MMP9: variants seen among roughly 807,000 people sequenced by gnomAD.
MMP9 encodes the protein matrix metalloproteinase-9.
In MMP9, 73 loss-of-function variants were observed where a neutral mutation model predicts 76.4. The ratio of observed to expected loss-of-function variants is 0.96; its 90% CI spans 0.79 to 1.16. The LOEUF (loss-of-function observed/expected upper bound fraction) is 1.16, where lower values mean the gene tolerates loss of function less well. Among genes scored for constraint, MMP9 ranks in the 50% most tolerant of loss-of-function variants. The pLI, the probability that MMP9 is intolerant of heterozygous loss-of-function variation, is 0.00. For missense variants in MMP9, 943 were observed against 973.0 expected (o/e 0.97, Z 0.41); for synonymous variants, 412 against 408.4 (o/e 1.01, Z -0.11).
intron 12 of MMP9, chr20:46,014,770 TA>T (rs1455113925): frequency 2.1e-6 from 1 of 484,700 alleles, no homozygotes. Flanking sequence ...CAAGTGCCGA[TA>T]ATGTGCCAGG....
At chr20:46,016,160 C>T (rs1245277299) in intron 12 of MMP9, 90 bp from the exon 13 acceptor site, 14 of 1,220,486 alleles carry the variant, frequency 1.1e-5, no homozygotes, top group Non-Finnish European at 1.7e-5. Flanking sequence ...CTAGAAATGG[C>T]AGAAGAGATG....
intron 12 of MMP9, among the ~76,000 whole-genome samples, chr20:46,015,335 C>T (rs912031661): frequency 1.3e-5 from 2 of 152,202 alleles, no homozygotes; most frequent in African/African-American, 4.8e-5. Context: ...CCACTGTCTT[C>T]CTTCAGGTTT....
chr20:46,016,325 T>G lies in MMP9; in HGVS notation c.2081T>G (p.Val694Gly). Reference sequence around the variant, plus strand: ...AGTGAGTTGAACCAGGTGGACCAAGTGGGCTACGTGACCTATGACATCCTG... The same window carrying G: ...AGTGAGTTGAACCAGGTGGACCAAGGGGGCTACGTGACCTATGACATCCTG... ...SRSELNQVDQ[V>G]GYVTYDILQC... The change falls in exon 13 of 13, where the codon GTG (valine) becomes GGG (glycine). Residue 694 changes from valine (V) to glycine (G), a missense_variant. By Grantham distance (109) the Val-to-Gly change is moderately radical. Transcript: ENST00000372330. The G allele has an allele frequency of 1.2e-6, 2 of 1,614,198 alleles. No individual in the cohort carries two copies. Among genetic ancestry groups the G allele is most frequent in the South Asian group, 1.1e-5 (1 of 91,084 alleles).
At chr20:46,015,453 C>CTTTTTT (rs199508388) in intron 12 of MMP9, among the ~76,000 whole-genome samples, 4 of 125,594 alleles carry the variant, frequency 3.2e-5, no homozygotes, top group Non-Finnish European at 4.9e-5. Flanking sequence ...TTTCTTTTTT[C>CTTTTTT]TTTTTTTTTT....
At position 46,013,318 on chromosome 20, in the gene MMP9, C is replaced by T. The variant is rs774999010; in HGVS notation, c.1394C>T (p.Pro465Leu). 6 of 1,613,974 alleles carry T rather than the reference C, an allele frequency of 3.7e-6. No individual in the cohort carries two copies. In the South Asian group the frequency reaches 5.5e-5, roughly 15 times the overall value. The change falls in exon 9 of 13, where the codon CCG (proline) becomes CTG (leucine). Residue 465 changes from proline to leucine, a missense_variant. Physicochemically the swap from Pro to Leu is moderately conservative, Grantham distance 98 (BLOSUM62 -3). Coordinates refer to ENST00000372330, the MANE Select transcript of MMP9 (RefSeq NM_004994.3). The surrounding 1 kb of genome is among the most constrained non-coding windows in gnomAD (Gnocchi z 4.5). ...ACCACACCGCAGCCCACGGCTCCCC[C>T]GACGGTCTGCCCCACCGGACCCCCC... Reference protein sequence around the residue: ...TTTTPQPTAPPTVCPTGPPTV... With the variant: ...TTTTPQPTAPLTVCPTGPPTV...
In MMP9 at chr20:46,009,998, C is replaced by G. The variant is rs373665843; in HGVS notation, c.271C>G (p.Leu91Val). ...PETGELDSAT[L>V]KAMRTPRCGV... ...GACCGGTGAGCTGGATAGCGCCACG[C>G]TGAAGGCCATGCGAACCCCACGGTG... The change falls in exon 2 of 13, where the codon CTG (leucine) becomes GTG (valine). Residue 91 changes from leucine to valine, a missense_variant. Physicochemically the swap from Leu to Val is conservative, Grantham distance 32. Coordinates refer to ENST00000372330, the MANE Select transcript of MMP9 (RefSeq NM_004994.3). 2 of 1,551,648 alleles carry G rather than the reference C, an allele frequency of 1.3e-6. No homozygotes were observed. The highest frequency in any genetic ancestry group is 1.7e-6 in the Non-Finnish European group (2 of 1,147,000).
Position 46,010,476 on chromosome 20 carries a change from G to T in MMP9, c.372-7G>T, listed in dbSNP as rs1416886397. On this transcript the variant is annotated splice_region_variant and splice_polypyrimidine_tract_variant and intron_variant, in intron 2 of 12. Transcript: ENST00000372330. ...CTGACCTCCTTCCTCTGGCTCTTAC[G>T]CTACAGGATCCAAAACTACTCGGAA... 4 of 1,613,974 alleles carry T rather than the reference G, an allele frequency of 2.5e-6. No homozygotes were observed. Among genetic ancestry groups the T allele is most frequent in the South Asian group, 2.2e-5 (2 of 91,082 alleles).
At chr20:46,014,516 G>T in intron 12 of MMP9, 42 bp downstream of exon 12, 1 of 1,524,448 alleles carries the variant, frequency 6.6e-7, no homozygotes, top group East Asian at 2.5e-5. Context: ...ACCACACTAA[G>T]CTCCTCTTAG....
chr20:46,012,118 A>C lies in MMP9; in HGVS notation c.998-19A>C. 6.2e-7 allele frequency: 1 copy of C among 1,612,472 alleles called. No homozygotes were observed. Among genetic ancestry groups the C allele is most frequent in the Non-Finnish European group, 8.5e-7 (1 of 1,178,888 alleles). On this transcript the variant is annotated intron_variant, in intron 6 of 12. Transcript: ENST00000372330. ...TGGACTCATCCATCTGGCTCATCCA[A>C]GGCCTTGGGTCTCTCCAGCTGACTC... is the stretch of plus-strand genomic sequence containing the variant.
At chr20:46,010,321 CAAAAAA>C (rs58031394) in intron 2 of MMP9, among the ~76,000 whole-genome samples, 156 bp from the exon 3 acceptor site, 6 of 62,504 alleles carry the variant, frequency 9.6e-5, no homozygotes, top group Admixed American at 1.6e-4. Flanking sequence ...TCTAAGTAGA[CAAAAAA>C]AAAAAAAAAA....
At position 46,013,384 on chromosome 20, in the gene MMP9, G is replaced by T. The variant is rs760201819; in HGVS notation, c.1460G>T (p.Gly487Val). The change falls in exon 9 of 13, where the codon GGT (glycine) becomes GTT (valine). Residue 487 changes from glycine to valine, a missense_variant. Gly to Val is a moderately radical substitution (Grantham distance 109). Transcript: ENST00000372330. The surrounding 1 kb of genome is among the most constrained non-coding windows in gnomAD (Gnocchi z 4.5). ...GAGCGCCCCACAGCTGGCCCCACAGGTCCCCCCTCAGCTGGCCCCACAGGT... is the reference window on the plus strand; with the variant it reads ...GAGCGCCCCACAGCTGGCCCCACAGTTCCCCCCTCAGCTGGCCCCACAGGT... ...PSERPTAGPT[G>V]PPSAGPTGPP... The T allele has an allele frequency of 4.3e-6, 7 of 1,611,574 alleles. No homozygotes were observed. The South Asian group carries it at 7.7e-5, about 18-fold the overall frequency.
Position 46,008,948 on chromosome 20 carries a change from G to A in MMP9, c.22G>A (p.Val8Ile). 2 of 1,613,926 alleles carry A rather than the reference G, an allele frequency of 1.2e-6. No individual in the cohort carries two copies. Among genetic ancestry groups the A allele is most frequent in the Non-Finnish European group, 1.7e-6 (2 of 1,179,984 alleles). The change falls in exon 1 of 13, where the codon GTC (valine) becomes ATC (isoleucine). Residue 8 changes from valine to isoleucine, a missense_variant. Physicochemically the swap from Val to Ile is conservative, Grantham distance 29. Transcript: ENST00000372330. ...CACCATGAGCCTCTGGCAGCCCCTG[G>A]TCCTGGTGCTCCTGGTGCTGGGCTG... MSLWQPL[V>I]LVLLVLGCCF...
At position 46,011,567 on chromosome 20, in the gene MMP9, G is replaced by A. The variant is rs769963120; in HGVS notation, c.824-7G>A. The stretch of plus-strand genomic sequence containing the variant: ...TCTCCCCCTTTCCCACATCCTCCTC[G>A]CCCCAGGACTCTACACCCAGGACGG... On this transcript the variant is annotated splice_region_variant and splice_polypyrimidine_tract_variant and intron_variant, in intron 5 of 12. Transcript: ENST00000372330. The A allele has an allele frequency of 9.9e-6, 16 of 1,613,466 alleles. No individual in the cohort carries two copies. Among genetic ancestry groups the A allele is most frequent in the Non-Finnish European group, 1.4e-5 (16 of 1,179,912 alleles).
chr20:46,010,117 G>A lies in MMP9; in HGVS notation c.371+19G>A, dbSNP rs201292187. The A allele has an allele frequency of 2.6e-6, 4 of 1,538,944 alleles. No individual in the cohort carries two copies. In the South Asian group the frequency reaches 4.8e-5, roughly 18 times the overall value. On this transcript the variant is annotated intron_variant, in intron 2 of 12. Coordinates refer to ENST00000372330, the MANE Select transcript of MMP9 (RefSeq NM_004994.3). ...CCTATTGGTGAGCCGGGGCCGTGGG[G>A]GCAGCGGGGTGGGGCGGGGAGGCCA... is the stretch of plus-strand genomic sequence containing the variant.
In MMP9 at chr20:46,009,035, A is replaced by T. The variant is rs1311674897; in HGVS notation, c.109A>T (p.Thr37Ser). ...TGTGCTCTTCCCTGGAGACCTGAGA[A>T]CCAATCTCACCGACAGGCAGCTGGC... is the stretch of plus-strand genomic sequence containing the variant. ...TLVLFPGDLRTNLTDRQLAEE... is the reference protein window; with the variant it reads ...TLVLFPGDLRSNLTDRQLAEE... The change falls in exon 1 of 13, where the codon ACC becomes TCC. Residue 37 changes from threonine to serine, a missense_variant. Transcript: ENST00000372330. 2.5e-6 allele frequency: 4 copies of T among 1,613,824 alleles called. No individual in the cohort carries two copies. The East Asian group carries it at 8.9e-5, about 36-fold the overall frequency.
In MMP9 at chr20:46,010,621, T is replaced by C. The variant is rs1450035750; in HGVS notation, c.510T>C (p.Phe170=). Residue 170 remains phenylalanine, a synonymous_variant, in exon 3 of 13, where the codon TTT becomes TTC. Transcript: ENST00000372330. ...GGGACGCAGACATCGTCATCCAGTT[T>C]GGTGTCGCGGGTGAGAACGTGAGGA... The part of the protein sequence containing the change: ...YSRDADIVIQ[F]GVAEHGDGYP... 3.1e-6 allele frequency: 5 copies of C among 1,613,606 alleles called. No individual in the cohort carries two copies. The highest frequency in any genetic ancestry group is 1.7e-5 in the Admixed American group (1 of 59,922).
rs778508016 is a variant in MMP9 at position 46,013,447 on chromosome 20, C to T, written c.1523C>T (p.Pro508Leu). Residue 508 changes from proline to leucine, a missense_variant, in exon 9 of 13, where the codon CCT becomes CTT. Pro to Leu is a moderately conservative substitution (Grantham distance 98). Coordinates refer to ENST00000372330, the MANE Select transcript of MMP9 (RefSeq NM_004994.3). This position sits in a 1 kb window ranked among gnomAD's most constrained non-coding sequence, Gnocchi z 4.5. ...GGCCCTTCTACGGCCACTACTGTGCCTTTGAGTCCGGTGGACGATGCCTGC... is the reference window on the plus strand; with the variant it reads ...GGCCCTTCTACGGCCACTACTGTGCTTTTGAGTCCGGTGGACGATGCCTGC... Reference protein sequence around the residue: ...TAGPSTATTVPLSPVDDACNV... With the variant: ...TAGPSTATTVLLSPVDDACNV... 3 of 1,613,946 alleles carry T rather than the reference C, an allele frequency of 1.9e-6. No individual in the cohort carries two copies. In the Admixed American group the frequency reaches 5.0e-5, roughly 27 times the overall value.
At position 46,014,471 on chromosome 20, in the gene MMP9, C is replaced by G. The variant is rs902431501; in HGVS notation, c.2002C>G (p.Arg668Gly). ...PLDTHDVFQY[R>G]EKAYFCQDRF... ...GGACACGCACGACGTCTTCCAGTAC[C>G]GAGGTGAGGGCTGAGGAGGATCCCT... The change falls in exon 12 of 13, where the codon CGA becomes GGA. Residue 668 changes from arginine (R) to glycine (G), a missense_variant. Coordinates refer to ENST00000372330, the MANE Select transcript of MMP9 (RefSeq NM_004994.3). 8.2e-5 allele frequency: 127 copies of G among 1,550,196 alleles called. No individual in the cohort carries two copies. Among genetic ancestry groups the G allele is most frequent in the Non-Finnish European group, 1.0e-4 (119 of 1,146,942 alleles).
chr20:46,015,056 A>G (rs2084310342), intron 12 of MMP9, among the ~76,000 whole-genome samples: 1 of 152,160 alleles, frequency 6.6e-6, no homozygotes, highest in Non-Finnish European at 1.5e-5. Context: ...CAGGACCTTT[A>G]ACAAATTCCA....
Sources: allele counts gnomAD v4.1 joint callset (sites outside exome capture counted in the v4.1 genomes callset), GRCh38; gene constraint gnomAD v4.1.1; non-coding constraint Gnocchi (gnomAD v3.1); transcripts MANE v1.5; gene names NCBI Gene and HGNC (gene_info 2026-07-23, HGNC 2026-07-21).